GRIP1: variants seen among roughly 807,000 people sequenced by gnomAD.
GRIP1 encodes the protein glutamate receptor interacting protein 1.
A neutral mutation model predicts 129.9 loss-of-function variants in GRIP1; 45 were observed. The observed-to-expected ratio is 0.35, with a 90% CI of 0.27 to 0.44. GRIP1 has a LOEUF of 0.44. Among genes scored for constraint, GRIP1 ranks in the 20% least tolerant of loss-of-function variants. GRIP1 has a pLI of 1.00. For synonymous variants in GRIP1, 530 were observed against 520.8 expected, an observed-to-expected ratio of 1.02 and a Z score of -0.24; for missense variants, 1,196 against 1,396.8, an observed-to-expected ratio of 0.86 and a Z score of 2.29.
At chr12:66,664,473 G>A (rs1195136403) in intron 1 of GRIP1, among the ~76,000 whole-genome samples, 2 of 152,014 alleles carry the variant, frequency 1.3e-5, no homozygotes, top group African/African-American at 2.4e-5. Context: ...TCATTAATGG[G>A]CAATGAGATT....
chr12:66,465,623 A>G (rs986590517), intron 7 of GRIP1, among the ~76,000 whole-genome samples: 1 of 152,140 alleles, frequency 6.6e-6, no homozygotes. Flanking sequence ...TTCAGCTTGT[A>G]TTGTGTTAAT....
chr12:66,841,787 G>A (rs888992570), intron 1 of GRIP1, among the ~76,000 whole-genome samples: 1 of 152,112 alleles, frequency 6.6e-6, no homozygotes, highest in Admixed American at 6.5e-5. Context: ...GCTTCACGGG[G>A]GCATCTTGGG....
chr12:66,928,931 C>T (rs2041341416), intron 1 of GRIP1, among the ~76,000 whole-genome samples: 2 of 152,050 alleles, frequency 1.3e-5, no homozygotes, highest in Admixed American at 6.6e-5. Context: ...GTATGTTTAC[C>T]CAAGTGCAAG....
chr12:66,848,036 G>C (rs1296040076), intron 1 of GRIP1, among the ~76,000 whole-genome samples: 2 of 152,186 alleles, frequency 1.3e-5, no homozygotes, highest in Non-Finnish European at 2.9e-5. Context: ...GATAGGACCA[G>C]TCATAAGCAT....
At chr12:66,532,048 A>G (rs1279526826) in intron 4 of GRIP1, among the ~76,000 whole-genome samples, 3 of 152,234 alleles carry the variant, frequency 2.0e-5, no homozygotes, top group Non-Finnish European at 4.4e-5. Context: ...CTTGCTGACT[A>G]TAAAATCTTA....
chr12:66,517,982 AAAG>A lies in GRIP1; in HGVS notation c.503-9_503-7del. 1 of 1,529,102 alleles carries A rather than the reference AAAG, an allele frequency of 6.5e-7. No individual in the cohort carries two copies. Among genetic ancestry groups the A allele is most frequent in the Admixed American group, 1.7e-5 (1 of 59,894 alleles). 94.7% of individuals were successfully genotyped at this position (1,529,102 alleles called of 1,614,324 possible). On this transcript the variant is annotated splice_region_variant and splice_polypyrimidine_tract_variant and intron_variant, in intron 5 of 24. Transcript: ENST00000359742. Reference sequence around the variant, plus strand: ...TCTATCATCATGTGCTCCCCCTAGCAAAGAAAAGGAACAGAGCTTAAAACTGCT... The same window carrying A: ...TCTATCATCATGTGCTCCCCCTAGCAAAAAGGAACAGAGCTTAAAACTGCT...
chr12:66,848,996 C>G (rs1377942754), intron 1 of GRIP1, among the ~76,000 whole-genome samples: 1 of 152,118 alleles, frequency 6.6e-6, no homozygotes, highest in African/African-American at 2.4e-5. Flanking sequence ...GCATTTTATC[C>G]ACCTAGGTTC....
chr12:66,562,168 C>T (rs2062557538), intron 2 of GRIP1, among the ~76,000 whole-genome samples: 1 of 152,150 alleles, frequency 6.6e-6, no homozygotes, highest in Non-Finnish European at 1.5e-5. Flanking sequence ...ATGCTTATCA[C>T]TAAGGTTGTT....
intron 1 of GRIP1, among the ~76,000 whole-genome samples, chr12:66,599,047 C>T (rs1003441957): frequency 3.9e-5 from 6 of 152,128 alleles, no homozygotes; most frequent in Non-Finnish European, 7.4e-5. Context: ...TTGAAAACAA[C>T]TTCCTTGATT....
At chr12:66,699,528 T>C (rs761532524) in intron 1 of GRIP1, among the ~76,000 whole-genome samples, 1 of 152,168 alleles carries the variant, frequency 6.6e-6, no homozygotes, top group African/African-American at 2.4e-5. Context: ...TGCTCTTGAC[T>C]GCCACCATGT....
At chr12:66,993,167 T>A (rs185446758) in intron 1 of GRIP1, among the ~76,000 whole-genome samples, 2 of 149,382 alleles carry the variant, frequency 1.3e-5, no homozygotes, top group Non-Finnish European at 3.0e-5. Flanking sequence ...TTAATGAAAA[T>A]TAAAATATAC....
intron 16 of GRIP1, among the ~76,000 whole-genome samples, chr12:66,403,736 C>T (rs1482598133): frequency 6.6e-6 from 1 of 152,062 alleles, no homozygotes; most frequent in African/African-American, 2.4e-5. Flanking sequence ...AGCACAATAA[C>T]CATCATAATA....
At chr12:66,707,502 C>CAAAAAAAAAAAAAA (rs1565979272) in intron 1 of GRIP1, among the ~76,000 whole-genome samples, 1 of 86,002 alleles carries the variant, frequency 1.2e-5, no homozygotes. Context: ...CAATCACTGA[C>CAAAAAAAAAAAAAA]TAAAAAAAAA....
upstream of GRIP1, among the ~76,000 whole-genome samples, chr12:66,680,634 A>T (rs923746758): frequency 2.6e-5 from 4 of 152,102 alleles, no homozygotes; most frequent in Non-Finnish European, 5.9e-5. Flanking sequence ...CCTCCTTGAT[A>T]TTTTTTTGCT....
chr12:66,613,507 C>T (rs2064902898), intron 1 of GRIP1, among the ~76,000 whole-genome samples: 1 of 152,068 alleles, frequency 6.6e-6, no homozygotes, highest in South Asian at 2.1e-4. Flanking sequence ...AAGGCATCTA[C>T]AATCTTTACA....
chr12:66,376,996 A>G (rs2137347634), intron 22 of GRIP1, 21 bp downstream of exon 22: 1 of 1,586,346 alleles, frequency 6.3e-7, no homozygotes, highest in Non-Finnish European at 8.7e-7. Flanking sequence ...AAGCAAAAAT[A>G]TAAACATAAA....
intron 1 of GRIP1, among the ~76,000 whole-genome samples, chr12:66,962,942 C>T (rs1410106507): frequency 6.6e-6 from 1 of 152,086 alleles, no homozygotes; most frequent in Admixed American, 6.6e-5. Flanking sequence ...ATCTAGAGAT[C>T]CATGGTTGAT....
At chr12:66,949,550 C>A (rs1272369621) in intron 1 of GRIP1, among the ~76,000 whole-genome samples, 1 of 152,124 alleles carries the variant, frequency 6.6e-6, no homozygotes, top group Non-Finnish European at 1.5e-5. Flanking sequence ...TATCTATTTT[C>A]TCTTTCTTTT....
At chr12:66,866,518 A>T (rs991046875) in intron 1 of GRIP1, among the ~76,000 whole-genome samples, 1 of 152,154 alleles carries the variant, frequency 6.6e-6, no homozygotes, top group African/African-American at 2.4e-5. Flanking sequence ...TTCTACTCTT[A>T]TAGTCAGAAA....
Sources: gnomAD v4.1 joint callset for allele counts (sites outside exome capture counted in the v4.1 genomes callset) on GRCh38, gnomAD v4.1.1 for gene constraint, MANE v1.5 for transcripts, NCBI Gene and HGNC (gene_info 2026-07-23, HGNC 2026-07-21) for gene names.